The following BPIFB1 variants were observed in gnomAD, a reference collection of about 807,000 sequenced individuals.
BPIFB1 encodes BPI fold-containing family B member 1.
In BPIFB1, 34 loss-of-function variants were observed where a neutral mutation model predicts 55.1. That is an observed-to-expected ratio of 0.62 (90% CI 0.47 to 0.82). BPIFB1 has a LOEUF of 0.82. Ranked by LOEUF, BPIFB1 falls within the 40% of genes least tolerant of loss-of-function variation. BPIFB1 has a pLI of 0.00. For missense variants in BPIFB1, 532 were observed against 593.1 expected (o/e 0.90, Z 1.07); for synonymous variants, 236 against 245.3 (o/e 0.96, Z 0.35).
chr20:33,296,299 C>A (rs560857627), intron 6 of BPIFB1, among the ~76,000 whole-genome samples: 1 of 152,284 alleles, frequency 6.6e-6, no homozygotes, highest in South Asian at 2.1e-4. Context: ...AGTCTCTGAG[C>A]TGAAAGTCTT....
chr20:33,294,271 A>G (rs1980563228), intron 6 of BPIFB1, among the ~76,000 whole-genome samples: 1 of 152,226 alleles, frequency 6.6e-6, no homozygotes, highest in African/African-American at 2.4e-5. Context: ...ACCTTTCTCC[A>G]GTACTTTTTT....
intron 3 of BPIFB1, among the ~76,000 whole-genome samples, chr20:33,289,386 A>C (rs1304032678): frequency 2.7e-5 from 4 of 150,114 alleles, no homozygotes; most frequent in South Asian, 2.1e-4. Context: ...TGTCTCAAAA[A>C]AAAAAAAACA....
chr20:33,308,205 C>T (rs190327887), intron 15 of BPIFB1, among the ~76,000 whole-genome samples: 9 of 152,280 alleles, frequency 5.9e-5, no homozygotes, highest in Non-Finnish European at 7.4e-5. Flanking sequence ...AAGAGGATGG[C>T]GCTAAACCAT....
At chr20:33,292,385 C>G (rs1396528003) in intron 6 of BPIFB1, among the ~76,000 whole-genome samples, 2 of 152,150 alleles carry the variant, frequency 1.3e-5, no homozygotes, top group African/African-American at 2.4e-5. Flanking sequence ...TACAATAGCA[C>G]ACGATTGTAT....
At chr20:33,302,326 C>T (rs753499844) in intron 9 of BPIFB1, 33 bp from the exon 10 acceptor site, 2 of 1,612,366 alleles carry the variant, frequency 1.2e-6, no homozygotes, top group South Asian at 2.2e-5. Flanking sequence ...CTGTGCCCTC[C>T]AACTGACCTT....
chr20:33,307,185 G>A (rs1200044719), intron 15 of BPIFB1, 198 bp downstream of exon 15: 3 of 562,686 alleles, frequency 5.3e-6, no homozygotes, highest in Non-Finnish European at 3.2e-6. Flanking sequence ...CTAGCCTGGG[G>A]TCAGTACACT....
intron 2 of BPIFB1, among the ~76,000 whole-genome samples, chr20:33,287,871 G>A (rs755013951): frequency 6.6e-6 from 1 of 152,208 alleles, no homozygotes; most frequent in Non-Finnish European, 1.5e-5. Context: ...AAGCACACCA[G>A]AGCCATGAAG....
At chr20:33,287,162 A>G (rs1261438197) in intron 2 of BPIFB1, among the ~76,000 whole-genome samples, 1 of 152,240 alleles carries the variant, frequency 6.6e-6, no homozygotes, top group South Asian at 2.1e-4. Flanking sequence ...AAGCATGTGG[A>G]ATTTCAGCCA....
intron 7 of BPIFB1, 82 bp downstream of exon 7, chr20:33,297,670 C>T (rs760035879): frequency 4.1e-6 from 6 of 1,460,666 alleles, no homozygotes; most frequent in Non-Finnish European, 5.8e-6. Flanking sequence ...GGGAAGGCCT[C>T]CCCAAGTCAG....
chr20:33,289,398 A>C (rs796142960), intron 3 of BPIFB1, among the ~76,000 whole-genome samples: 58 of 149,922 alleles, frequency 3.9e-4, no homozygotes, highest in Admixed American at 1.3e-3. Context: ...AAAAAAACAA[A>C]AAAAAAAAAA....
rs1381532587 is a variant in BPIFB1, at chr20:33,302,993, C to T, written c.1059C>T (p.Gly353=). The change falls in exon 11 of 16, where the codon GGC becomes GGT. Residue 353 remains glycine, a synonymous_variant. Coordinates refer to ENST00000253354, the MANE Select transcript of BPIFB1 (RefSeq NM_033197.3). ...CTCCCGAGTTTTTTATAGACCAAGG[C>T]CATGCCAAGGTGGCCCAACTGATCG... The part of the protein sequence containing the change: ...QDTPEFFIDQ[G]HAKVAQLIVL... 1.2e-6 allele frequency: 2 copies of T among 1,614,128 alleles called. No individual in the cohort carries two copies. Among genetic ancestry groups the T allele is most frequent in the Non-Finnish European group, 1.7e-6 (2 of 1,180,004 alleles).
rs370873212 is a variant in BPIFB1, at chr20:33,286,147, C to T, written c.74C>T (p.Pro25Leu). 6.2e-7 allele frequency: 1 copy of T among 1,614,204 alleles called. No homozygotes were observed. Among genetic ancestry groups the T allele is most frequent in the African/African-American group, 1.3e-5 (1 of 75,054 alleles). ...ACCTTGATCCAAGCCACCCTCAGTC[C>T]CACTGCAGTTCTCATCCTCGGCCCA... ...AATLIQATLS[P>L]TAVLILGPKV... The change falls in exon 2 of 16, where the codon CCC (proline) becomes CTC (leucine). Residue 25 changes from proline (P) to leucine (L), a missense_variant. Pro to Leu is a moderately conservative substitution (Grantham distance 98, BLOSUM62 -3). Transcript: ENST00000253354.
At chr20:33,286,477 C>T (rs574356975) in intron 2 of BPIFB1, among the ~76,000 whole-genome samples, 1 of 152,380 alleles carries the variant, frequency 6.6e-6, no homozygotes, top group Non-Finnish European at 1.5e-5. Context: ...GCCTCTCCCA[C>T]TGCCTTCACC....
chr20:33,309,564 A>C lies in BPIFB1; in HGVS notation c.1396-144A>C. On this transcript the variant is annotated intron_variant, in intron 15 of 15. Transcript: ENST00000253354. This position sits in a 1 kb window ranked among gnomAD's most constrained non-coding sequence, Gnocchi z 4.4. ...GTTCACACACAGACCCTCCACCCCGACCCTTCTAAGAATTCTGTATTTGTG... is the reference window on the plus strand; with the variant it reads ...GTTCACACACAGACCCTCCACCCCGCCCCTTCTAAGAATTCTGTATTTGTG... 1.4e-6 allele frequency: 1 copy of C among 717,422 alleles called. No individual in the cohort carries two copies. The highest frequency in any genetic ancestry group is 2.4e-6 in the Non-Finnish European group (1 of 417,100). The allele number at this position is 717,422 out of a possible 1,614,324, so 44.4% of individuals were successfully genotyped here.
At chr20:33,292,030 C>T in intron 6 of BPIFB1, 42 bp downstream of exon 6, 2 of 1,580,610 alleles carry the variant, frequency 1.3e-6, no homozygotes, top group Non-Finnish European at 8.7e-7. Context: ...GGCATTGCGC[C>T]CCCTGTGGGG....
chr20:33,301,550 C>T (rs1015780503), intron 9 of BPIFB1, 138 bp downstream of exon 9: 13 of 735,370 alleles, frequency 1.8e-5, no homozygotes, highest in Non-Finnish European at 2.6e-5. Context: ...CTAATAGACC[C>T]TGCCTCTGAC....
intron 1 of BPIFB1, among the ~76,000 whole-genome samples, chr20:33,284,791 C>T (rs998769719): frequency 2.6e-5 from 4 of 152,146 alleles, no homozygotes; most frequent in African/African-American, 9.7e-5. Context: ...ATGCCACACC[C>T]CTGTGGAGGG....
chr20:33,305,634 C>T (rs1249288631), intron 13 of BPIFB1, among the ~76,000 whole-genome samples: 1 of 152,102 alleles, frequency 6.6e-6, no homozygotes, highest in Middle Eastern at 3.2e-3. Context: ...TTTTAAAACA[C>T]GGAGAGTTCC....
chr20:33,299,274 T>C (rs1330729865), intron 7 of BPIFB1: 2 of 430,778 alleles, frequency 4.6e-6, no homozygotes, highest in East Asian at 7.3e-5. Context: ...TCCTCGGCCA[T>C]ACACCGGGGC....
Sources: gnomAD v4.1 joint callset for allele counts (sites outside exome capture counted in the v4.1 genomes callset) on GRCh38, gnomAD v4.1.1 for gene constraint, Gnocchi (gnomAD v3.1) non-coding constraint, MANE v1.5 for transcripts, NCBI Gene and HGNC (gene_info 2026-07-23, HGNC 2026-07-21) for gene names.